Variants in TRERF1 observed in about 807,000 individuals in gnomAD.
TRERF1 encodes transcriptional regulating factor 1.
A neutral mutation model predicts 122.9 loss-of-function variants in TRERF1; 27 were observed. The observed-to-expected ratio is 0.22, with a 90% CI of 0.16 to 0.30. The LOEUF (loss-of-function observed/expected upper bound fraction) is 0.30. Ranked by LOEUF, TRERF1 falls within the 10% of genes least tolerant of loss-of-function variation. TRERF1 has a pLI of 1.00. For synonymous variants in TRERF1, 636 were observed against 641.7 expected (o/e 0.99, Z 0.13); for missense variants, 1,248 against 1,560.3 (o/e 0.80, Z 3.37).
rs766189088 is a variant in TRERF1 at position 42,449,808 on chromosome 6, A to G, written c.-454+1369T>C. Among the ~76,000 whole-genome samples, 94 of 152,228 alleles carry G rather than the reference A, an allele frequency of 6.2e-4. 1 individual carries two copies. The highest frequency in any genetic ancestry group is 8.1e-4 in the Non-Finnish European group (55 of 68,040). On this transcript the variant is annotated intron_variant, in intron 2 of 17. Transcript: ENST00000372922. ...TCAATCTGGAAATCTGACGACAGTT[A>G]GGAAAGAAAAAAAGCACTCTCCATC...
chr6:42,258,320 CAG>C, intron 9 of TRERF1, 119 bp from the exon 10 acceptor site: 10 of 844,632 alleles, frequency 1.2e-5, no homozygotes, highest in East Asian at 2.6e-5. Flanking sequence ...CAGCTCCTGC[CAG>C]AGTTATCCTT....
In TRERF1 at chr6:42,228,050, AAC is replaced by A. The variant is rs1294878296; in HGVS notation, c.*293_*294del. 3.6e-6 allele frequency: 1 copy of A among 276,804 alleles called. No homozygotes were observed. Among genetic ancestry groups the A allele is most frequent in the Non-Finnish European group, 6.7e-6 (1 of 148,722 alleles). 17.1% of individuals were successfully genotyped at this position (276,804 alleles called of 1,614,324 possible). On this transcript the variant is annotated 3_prime_UTR_variant, in exon 18 of 18. Transcript: ENST00000372922. The surrounding 1 kb of genome is among the most constrained non-coding windows in gnomAD (Gnocchi z 4.2). The stretch of plus-strand genomic sequence containing the variant: ...GATGGTTGACATCTGAATGCAATGG[AAC>A]ATGAAGGTCAGCTTCAGTCCCTACT...
Position 42,389,513 on chromosome 6 carries a change from G to A in TRERF1, c.-453-26434C>T, listed in dbSNP as rs563639263. Among the ~76,000 whole-genome samples, 4 of 152,342 alleles carry A rather than the reference G, an allele frequency of 2.6e-5. No homozygotes were observed. In the South Asian group the frequency reaches 8.3e-4, roughly 32 times the overall value. ...CATCTCTCCATTGGCATCCCTTAGTGTTAAATAAGACTGGACCAGTGACCC... is the reference window on the plus strand; with the variant it reads ...CATCTCTCCATTGGCATCCCTTAGTATTAAATAAGACTGGACCAGTGACCC... On this transcript the variant is annotated intron_variant, in intron 2 of 17. Transcript: ENST00000372922.
intron 2 of TRERF1, among the ~76,000 whole-genome samples, chr6:42,438,540 G>A (rs554493467): frequency 6.6e-6 from 1 of 150,928 alleles, no homozygotes; most frequent in South Asian, 2.1e-4. Flanking sequence ...AATCTGGGAG[G>A]TGGAGGTTGC....
chr6:42,347,560 T>C (rs1230954766), intron 3 of TRERF1, among the ~76,000 whole-genome samples: 1 of 152,062 alleles, frequency 6.6e-6, no homozygotes, highest in Non-Finnish European at 1.5e-5. Context: ...TGCAAAACCA[T>C]GTATAAATGC....
chr6:42,309,931 AG>A (rs1280069587), intron 3 of TRERF1, among the ~76,000 whole-genome samples: 1 of 151,036 alleles, frequency 6.6e-6, no homozygotes, highest in African/African-American at 2.4e-5. Context: ...ATGCGCCACC[AG>A]GGGTCTCCTT....
At chr6:42,427,522 A>G (rs1458711783) in intron 2 of TRERF1, among the ~76,000 whole-genome samples, 1 of 148,958 alleles carries the variant, frequency 6.7e-6, no homozygotes, top group African/African-American at 2.5e-5. Flanking sequence ...AAGCACTGGG[A>G]TTACAGGTGT....
chr6:42,418,817 G>A (rs148672231), intron 2 of TRERF1, among the ~76,000 whole-genome samples: 32 of 152,278 alleles, frequency 2.1e-4, no homozygotes, highest in Admixed American at 1.8e-3. Context: ...AAAGCCAATA[G>A]TAAATGGAAA....
At chr6:42,354,384 C>T (rs1410338077) in intron 3 of TRERF1, among the ~76,000 whole-genome samples, 1 of 128,000 alleles carries the variant, frequency 7.8e-6, no homozygotes, top group Non-Finnish European at 1.5e-5. Flanking sequence ...TCTGTTGTTT[C>T]CCTTTTTTTT....
chr6:42,231,112 T>C (rs1205124269), intron 17 of TRERF1, among the ~76,000 whole-genome samples: 1 of 152,200 alleles, frequency 6.6e-6, no homozygotes, highest in Non-Finnish European at 1.5e-5. Context: ...TGTGGCCTAA[T>C]GGGAGGTGTT....
At chr6:42,411,874 T>C (rs1246624653) in intron 2 of TRERF1, among the ~76,000 whole-genome samples, 5 of 152,310 alleles carry the variant, frequency 3.3e-5, no homozygotes, top group Non-Finnish European at 7.4e-5. Context: ...TCTTGGCCTT[T>C]GGTTTTCTTA....
intron 17 of TRERF1, among the ~76,000 whole-genome samples, chr6:42,231,214 T>A (rs144284958): frequency 0.018 from 2,735 of 152,238 alleles, 72 homozygotes; most frequent in African/African-American, 0.058. Context: ...CTCTCTCCCC[T>A]CTCTTTGCCC....
intron 3 of TRERF1, among the ~76,000 whole-genome samples, chr6:42,314,670 C>CTCTGAGA (rs1390058464): frequency 4.6e-5 from 7 of 152,272 alleles, no homozygotes; most frequent in Non-Finnish European, 7.4e-5. Flanking sequence ...AGGAAATAGT[C>CTCTGAGA]AGGGAAGCCC....
chr6:42,238,870 C>CACACACACACACACACAA (rs1554124320), intron 15 of TRERF1, among the ~76,000 whole-genome samples: 1 of 149,000 alleles, frequency 6.7e-6, no homozygotes, highest in African/African-American at 2.5e-5. Flanking sequence ...CACACACACA[C>CACACACACACACACACAA]AATTTCTAGT....
At chr6:42,358,673 C>T (rs1771069088) in intron 3 of TRERF1, among the ~76,000 whole-genome samples, 2 of 151,906 alleles carry the variant, frequency 1.3e-5, no homozygotes, top group South Asian at 4.1e-4. Context: ...ACTACTTTGG[C>T]ATCAAGATGG....
At chr6:42,350,066 T>C (rs148275661) in intron 3 of TRERF1, among the ~76,000 whole-genome samples, 276 of 152,268 alleles carry the variant, frequency 1.8e-3, no homozygotes, top group Middle Eastern at 3.4e-3. Context: ...ACATACTAGA[T>C]TGATTTCTTT....
intron 4 of TRERF1, among the ~76,000 whole-genome samples, chr6:42,285,893 T>C (rs1383510283): frequency 6.6e-6 from 1 of 150,816 alleles, no homozygotes; most frequent in Non-Finnish European, 1.5e-5. Flanking sequence ...CTTCAAACTA[T>C]ACTACAAGGC....
At chr6:42,403,564 A>G (rs1366367337) in intron 2 of TRERF1, among the ~76,000 whole-genome samples, 1 of 152,158 alleles carries the variant, frequency 6.6e-6, no homozygotes, top group Non-Finnish European at 1.5e-5. Flanking sequence ...CAACCTTGCC[A>G]ATACCTTGAT....
At chr6:42,225,695 T>A (rs1197255579) in exon 18 of TRERF1, 1 of 152,176 alleles carries the variant, frequency 6.6e-6, no homozygotes, top group Admixed American at 6.5e-5. Flanking sequence ...TCACAACCAC[T>A]ATTTAAAAAT....
Sources: gnomAD v4.1 joint callset for allele counts (sites outside exome capture counted in the v4.1 genomes callset) on GRCh38, gnomAD v4.1.1 for gene constraint, Gnocchi (gnomAD v3.1) non-coding constraint, MANE v1.5 for transcripts, NCBI Gene and HGNC (gene_info 2026-07-23, HGNC 2026-07-21) for gene names.